PREX1: variants seen among roughly 807,000 people sequenced by gnomAD.
PREX1 encodes the protein phosphatidylinositol-3,4,5-trisphosphate dependent Rac exchange factor 1.
A neutral mutation model predicts 198.3 loss-of-function variants in PREX1; 41 were observed. The ratio of observed to expected loss-of-function variants is 0.21; its 90% CI spans 0.16 to 0.27. PREX1 has a LOEUF of 0.27. Ranked by LOEUF, PREX1 falls within the 10% of genes least tolerant of loss-of-function variation. The pLI is 1.00. For synonymous variants in PREX1, 843 were observed against 887.2 expected (o/e 0.95, Z 0.89); for missense variants, 1,620 against 2,200.7 (o/e 0.74, Z 5.28).
chr20:48,639,830 C>T lies in PREX1; in HGVS notation c.3840G>A (p.Glu1280=). The T allele has an allele frequency of 6.2e-7, 1 of 1,614,088 alleles. No homozygotes were observed. Among genetic ancestry groups the T allele is most frequent in the East Asian group, 2.2e-5 (1 of 44,880 alleles). Reference sequence around the variant, plus strand: ...TGGAGTTGGGGAGGTTCCAGGGGTCCTCCTGGATGCTAATCTGGATCAGGC... The same window carrying T: ...TGGAGTTGGGGAGGTTCCAGGGGTCTTCCTGGATGCTAATCTGGATCAGGC... ...GRSLIQISIQ[E]DPWNLPNSIK... is the part of the protein sequence containing the mutation. The change falls in exon 30 of 40, where the codon GAG becomes GAA. Residue 1280 remains glutamate, a synonymous_variant. Transcript: ENST00000371941.
the PREX1 span, among the ~76,000 whole-genome samples, chr20:48,834,024 T>C: frequency 6.6e-6 from 1 of 150,684 alleles, no homozygotes; most frequent in Non-Finnish European, 1.5e-5. Context: ...GAGATTGCAG[T>C]GAGCCAGTGA....
chr20:48,849,662 C>T, the PREX1 span, among the ~76,000 whole-genome samples: 31 of 152,222 alleles, frequency 2.0e-4, 1 homozygote, highest in Admixed American at 2.0e-3. Context: ...CTATTTCCCT[C>T]TGTAAACTGC....
Position 48,666,438 on chromosome 20 carries a change from C to T in PREX1, c.1666-83G>A. On this transcript the variant is annotated intron_variant, in intron 14 of 39. Transcript: ENST00000371941. The surrounding 1 kb of genome is among the most constrained non-coding windows in gnomAD (Gnocchi z 4.3). ...GGCCAACGAGAAGCCCACAACCACC[C>T]AAGAAGGTAGGCTCCACGAGGGCCA... 1 of 1,209,748 alleles carries T rather than the reference C, an allele frequency of 8.3e-7. No individual in the cohort carries two copies. The highest frequency in any genetic ancestry group is 1.2e-6 in the Non-Finnish European group (1 of 847,238). The allele number at this position is 1,209,748 out of a possible 1,614,324, so 74.9% of individuals were successfully genotyped here. A position where few individuals can be genotyped will look rare whatever the true frequency, so the allele number is the denominator to read the frequency against.
intron 13 of PREX1, among the ~76,000 whole-genome samples, chr20:48,678,539 C>A (rs1467924993): frequency 6.6e-6 from 1 of 152,090 alleles, no homozygotes; most frequent in Non-Finnish European, 1.5e-5. Flanking sequence ...TGTCCCCACC[C>A]AAATCTCATC....
chr20:48,632,735 C>T, intron 33 of PREX1, 96 bp from the exon 34 acceptor site: 1 of 1,440,944 alleles, frequency 6.9e-7, no homozygotes. Flanking sequence ...CCTCCCTGCC[C>T]CCAGGTCCAG....
intron 21 of PREX1, among the ~76,000 whole-genome samples, chr20:48,652,267 TA>T (rs55891542): frequency 0.27 from 40,146 of 148,912 alleles, 5,485 homozygotes; most frequent in South Asian, 0.42. Context: ...ACCTCATCTC[TA>T]AAAAAAAAAC....
At chr20:48,670,532 C>T (rs2089668590) in intron 14 of PREX1, among the ~76,000 whole-genome samples, 1 of 152,180 alleles carries the variant, frequency 6.6e-6, no homozygotes, top group South Asian at 2.1e-4. Flanking sequence ...TCCTGGAGCC[C>T]AAGTGACACA....
At chr20:48,799,753 G>A (rs368816907) in intron 1 of PREX1, among the ~76,000 whole-genome samples, 9 of 152,332 alleles carry the variant, frequency 5.9e-5, no homozygotes, top group African/African-American at 1.9e-4. Context: ...CAGGGCAGAG[G>A]GGCCAGCTGG....
chr20:48,657,289 C>A, intron 17 of PREX1, 101 bp from the exon 18 acceptor site: 1 of 1,397,472 alleles, frequency 7.2e-7, no homozygotes, highest in Non-Finnish European at 9.8e-7. Context: ...GGTGCTGGCC[C>A]AAGGGATCCA....
At position 48,634,580 on chromosome 20, in the gene PREX1, C is replaced by A. The variant is rs2089346413; in HGVS notation, c.4267+96G>T. ...TACTGAGCCCACCTTGGGCAGCTGG[C>A]CCAGAGGCAGGGGAAGGACAGGGTG... On this transcript the variant is annotated intron_variant, in intron 33 of 39. Transcript: ENST00000371941. 8 of 1,287,336 alleles carry A rather than the reference C, an allele frequency of 6.2e-6. No homozygotes were observed. The South Asian group carries it at 1.0e-4, about 17-fold the overall frequency. 79.7% of individuals were successfully genotyped at this position (1,287,336 alleles called of 1,614,324 possible).
the PREX1 span, among the ~76,000 whole-genome samples, chr20:48,887,932 A>G: frequency 2.6e-5 from 4 of 152,162 alleles, no homozygotes; most frequent in African/African-American, 9.7e-5. Flanking sequence ...CCTGGGCGAC[A>G]GAGTGAGATT....
intron 1 of PREX1, among the ~76,000 whole-genome samples, chr20:48,809,567 C>A (rs1483407688): frequency 6.6e-6 from 1 of 152,324 alleles, no homozygotes; most frequent in Non-Finnish European, 1.5e-5. Flanking sequence ...GACAACCAGC[C>A]GGCTCTTGCC....
In PREX1 at chr20:48,724,744, G is replaced by A. The variant is rs537111790; in HGVS notation, c.621+1546C>T. ...CTGTCTCTAACCACTACAGTACACT[G>A]TCTCTTAATGCTGGTAGCTAATCCA... On this transcript the variant is annotated intron_variant, in intron 5 of 39. Coordinates refer to ENST00000371941, the MANE Select transcript of PREX1 (RefSeq NM_020820.4). Among the ~76,000 whole-genome samples, 3 of 152,374 alleles carry A rather than the reference G, an allele frequency of 2.0e-5. No individual in the cohort carries two copies. In the South Asian group the frequency reaches 6.2e-4, roughly 32 times the overall value.
rs766865522 is a variant in PREX1 at position 48,651,429 on chromosome 20, C to T, written c.2622G>A (p.Val874=). The T allele has an allele frequency of 1.2e-6, 2 of 1,612,200 alleles. No individual in the cohort carries two copies. Among genetic ancestry groups the T allele is most frequent in the South Asian group, 2.2e-5 (2 of 90,958 alleles). The stretch of plus-strand genomic sequence containing the variant: ...TGAGGCCGAAGCAGCCGCGGGGCTC[C>T]ACGATCTTCTCCAGCACATGGCACC... ...GVRCHVLEKI[V]EPRGCFGLTA... The change falls in exon 22 of 40, where the codon GTG becomes GTA. Residue 874 remains valine, a synonymous_variant. Transcript: ENST00000371941.
intron 1 of PREX1, among the ~76,000 whole-genome samples, chr20:48,804,681 G>A (rs1370418414): frequency 6.6e-6 from 1 of 152,232 alleles, no homozygotes; most frequent in Non-Finnish European, 1.5e-5. Context: ...GACAAGGGAG[G>A]AGACGACTGC....
At chr20:48,678,509 G>T (rs910539060) in intron 13 of PREX1, among the ~76,000 whole-genome samples, 7 of 151,754 alleles carry the variant, frequency 4.6e-5, no homozygotes, top group African/African-American at 1.7e-4. Flanking sequence ...TGAACAAAGG[G>T]AGCTGATATC....
rs762708662 is a variant in PREX1, at chr20:48,650,886, G to A, written c.2817+8C>T. On this transcript the variant is annotated splice_region_variant and intron_variant, in intron 23 of 39. Coordinates refer to ENST00000371941, the MANE Select transcript of PREX1 (RefSeq NM_020820.4). ...GTGGCAGAGACCCCGGAGGGAGCAC[G>A]CAGGCACCTCCTGGTAGCAGGCAAT... is the stretch of plus-strand genomic sequence containing the variant. The A allele has an allele frequency of 8.1e-6, 13 of 1,613,808 alleles. No homozygotes were observed. The highest frequency in any genetic ancestry group is 6.7e-5 in the East Asian group (3 of 44,890).
At chr20:48,689,254 A>G (rs1400851482) in intron 9 of PREX1, among the ~76,000 whole-genome samples, 2 of 152,214 alleles carry the variant, frequency 1.3e-5, no homozygotes, top group East Asian at 3.8e-4. Flanking sequence ...ACCTGACCCT[A>G]ATCTCTGCCC....
At chr20:48,753,891 C>T (rs1244774314) in intron 1 of PREX1, among the ~76,000 whole-genome samples, 2 of 152,238 alleles carry the variant, frequency 1.3e-5, no homozygotes, top group Non-Finnish European at 2.9e-5. Flanking sequence ...CCTTCACAGA[C>T]GTCTCCGCTA....
Sources: gnomAD v4.1 joint callset for allele counts (sites outside exome capture counted in the v4.1 genomes callset) on GRCh38, gnomAD v4.1.1 for gene constraint, Gnocchi (gnomAD v3.1) non-coding constraint, MANE v1.5 for transcripts, NCBI Gene and HGNC (gene_info 2026-07-23, HGNC 2026-07-21) for gene names.